The following FNDC1 variants were observed in gnomAD, a reference collection of about 807,000 sequenced individuals.
FNDC1 encodes the protein fibronectin type III domain-containing protein 1.
FNDC1 carries 96 observed loss-of-function variants against 168.0 expected under a neutral mutation model. The observed-to-expected ratio is 0.57, with a 90% CI of 0.48 to 0.68. The LOEUF (loss-of-function observed/expected upper bound fraction) is 0.68. FNDC1 is among the 30% of genes least tolerant of loss of function. FNDC1 has a pLI of 0.00. For synonymous variants in FNDC1, 1,099 were observed against 1,025.9 expected (o/e 1.07, Z -1.36); for missense variants, 2,587 against 2,482.1 (o/e 1.04, Z -0.90).
intron 8 of FNDC1, 74 bp downstream of exon 8, chr6:159,225,796 G>C: frequency 7.5e-7 from 1 of 1,341,014 alleles, no homozygotes; most frequent in African/African-American, 1.4e-5. Context: ...GACAATGTAA[G>C]ATGCCAATAG....
At chr6:159,174,417 T>C (rs895385973) in intron 1 of FNDC1, among the ~76,000 whole-genome samples, 1 of 152,278 alleles carries the variant, frequency 6.6e-6, no homozygotes, top group Non-Finnish European at 1.5e-5. Flanking sequence ...CGGCCCGGCC[T>C]GGGCAGCGCT....
intron 1 of FNDC1, among the ~76,000 whole-genome samples, chr6:159,189,111 A>G (rs1782073950): frequency 6.6e-6 from 1 of 152,192 alleles, no homozygotes; most frequent in Admixed American, 6.5e-5. Context: ...GGGTCTGACT[A>G]TGGATGGCAA....
chr6:159,244,275 T>C (rs1403018149), intron 14 of FNDC1, among the ~76,000 whole-genome samples: 1 of 152,248 alleles, frequency 6.6e-6, no homozygotes, highest in Non-Finnish European at 1.5e-5. Context: ...GTAATTTGTC[T>C]TGGATCCCAG....
chr6:159,229,735 G>T, intron 9 of FNDC1, 80 bp from the exon 10 acceptor site: 1 of 1,283,948 alleles, frequency 7.8e-7, no homozygotes, highest in Non-Finnish European at 1.1e-6. Context: ...GTTCTAATTC[G>T]TCCTGCCCAT....
Position 159,208,387 on chromosome 6 carries a change from A to C in FNDC1, c.461-6558A>C, listed in dbSNP as rs544284044. Among the ~76,000 whole-genome samples, 236 of 152,338 alleles carry C rather than the reference A, an allele frequency of 1.5e-3. 1 individual carries two copies. Among genetic ancestry groups the C allele is most frequent in the African/African-American group, 5.2e-3 (217 of 41,580 alleles). The stretch of plus-strand genomic sequence containing the variant: ...CCTACACAGTGGCAGGATAAGGGAA[A>C]GATTCCCCTCAAAAGGCTTATGATC... On this transcript the variant is annotated intron_variant, in intron 4 of 22. Transcript: ENST00000297267.
chr6:159,197,829 G>A (rs1015267346), intron 2 of FNDC1, among the ~76,000 whole-genome samples: 3 of 152,208 alleles, frequency 2.0e-5, no homozygotes, highest in East Asian at 1.9e-4. Flanking sequence ...TTCCCCATCC[G>A]TGCATGTGAA....
intron 4 of FNDC1, among the ~76,000 whole-genome samples, chr6:159,208,344 A>C (rs1381818040): frequency 6.6e-6 from 1 of 152,248 alleles, no homozygotes; most frequent in Non-Finnish European, 1.5e-5. Flanking sequence ...CAGATGGGTC[A>C]CAGAGACTCT....
chr6:159,229,755 C>G, intron 9 of FNDC1, 60 bp from the exon 10 acceptor site: 1 of 1,478,776 alleles, frequency 6.8e-7, no homozygotes, highest in Non-Finnish European at 9.3e-7. Flanking sequence ...TACAGTCTGT[C>G]TGCTGGACAC....
chr6:159,173,186 C>G (rs1211312403), intron 1 of FNDC1, among the ~76,000 whole-genome samples: 1 of 152,192 alleles, frequency 6.6e-6, no homozygotes, highest in Non-Finnish European at 1.5e-5. Context: ...TTGAGACACA[C>G]TGGTATATAC....
At chr6:159,234,863 C>G (rs1481030810) in intron 11 of FNDC1, among the ~76,000 whole-genome samples, 4 of 152,244 alleles carry the variant, frequency 2.6e-5, no homozygotes, top group Admixed American at 2.0e-4. Flanking sequence ...GAAAATGTGT[C>G]ACAACCATGA....
chr6:159,187,514 C>G (rs546747544), intron 1 of FNDC1, among the ~76,000 whole-genome samples: 1 of 152,298 alleles, frequency 6.6e-6, no homozygotes, highest in African/African-American at 2.4e-5. Context: ...TTCTATTGAA[C>G]CCTATGCATA....
chr6:159,249,827 G>A (rs1194475151), intron 16 of FNDC1, among the ~76,000 whole-genome samples: 1 of 152,156 alleles, frequency 6.6e-6, no homozygotes, highest in Non-Finnish European at 1.5e-5. Flanking sequence ...TTACTAAGTG[G>A]AGACAAGCAA....
rs561412070 is a variant in FNDC1, at chr6:159,265,982, G to A, written c.5285-102G>A. The A allele has an allele frequency of 2.3e-4, 288 of 1,230,848 alleles. 3 individuals are homozygous for A. In the South Asian group the frequency reaches 3.8e-3, roughly 16 times the overall value. The allele number at this position is 1,230,848 out of a possible 1,614,324, so 76.2% of individuals were successfully genotyped here. On this transcript the variant is annotated intron_variant, in intron 20 of 22. Transcript: ENST00000297267. ...AACAAACAAACAAAAAGCCCTGTAA[G>A]GAAAGGAAGGCCCAGGAAGTCAGTG...
intron 14 of FNDC1, among the ~76,000 whole-genome samples, chr6:159,241,622 G>A (rs988654913): frequency 8.5e-5 from 13 of 152,134 alleles, no homozygotes; most frequent in South Asian, 4.1e-4. Context: ...TCCTCATATC[G>A]CATTTTAATG....
chr6:159,197,360 A>C (rs1782266618), intron 1 of FNDC1, 71 bp from the exon 2 acceptor site: 1 of 1,387,878 alleles, frequency 7.2e-7, no homozygotes. Flanking sequence ...TAACAATATC[A>C]AAGACGATTA....
At chr6:159,191,655 A>G (rs563546382) in intron 1 of FNDC1, among the ~76,000 whole-genome samples, 2 of 152,304 alleles carry the variant, frequency 1.3e-5, no homozygotes, top group Admixed American at 6.5e-5. Flanking sequence ...ATCAGTTGCT[A>G]TTTTGTTTCT....
At chr6:159,178,052 A>G (rs1423948804) in intron 1 of FNDC1, among the ~76,000 whole-genome samples, 2 of 152,220 alleles carry the variant, frequency 1.3e-5, no homozygotes, top group Admixed American at 6.5e-5. Flanking sequence ...CCTGACAAAC[A>G]GAGCCATGAA....
chr6:159,172,737 A>G (rs1219699168), intron 1 of FNDC1, among the ~76,000 whole-genome samples: 1 of 152,242 alleles, frequency 6.6e-6, no homozygotes, highest in Non-Finnish European at 1.5e-5. Context: ...ATATGATTTC[A>G]GATTCTAAGA....
At chr6:159,265,876 C>T (rs974380489) in intron 20 of FNDC1, among the ~76,000 whole-genome samples, 10 of 152,072 alleles carry the variant, frequency 6.6e-5, no homozygotes, top group African/African-American at 9.7e-5. Context: ...TGCAGTGAGC[C>T]GAGATCGTGC....
Sources: gnomAD v4.1 joint callset for allele counts (sites outside exome capture counted in the v4.1 genomes callset) on GRCh38, gnomAD v4.1.1 for gene constraint, MANE v1.5 for transcripts, NCBI Gene and HGNC (gene_info 2026-07-23, HGNC 2026-07-21) for gene names.